APOL3: variants seen among roughly 807,000 people sequenced by gnomAD.
APOL3 encodes apolipoprotein L3.
APOL3 carries 14 observed loss-of-function variants against 11.6 expected under a neutral mutation model. The observed-to-expected ratio is 1.21, with a 90% confidence interval of 0.80 to 1.89. The LOEUF (loss-of-function observed/expected upper bound fraction) is 1.89, where lower values mean the gene tolerates loss of function less well. APOL3 is among the 40% of genes most tolerant of loss of function. The pLI is 0.00. For missense variants in APOL3, 483 were observed against 492.1 expected (o/e 0.98, Z 0.17); for synonymous variants, 192 against 190.6 (o/e 1.01, Z -0.06).
At chr22:36,153,378 G>A (rs1011486703) in intron 1 of APOL3, 1 of 456,162 alleles carries the variant, frequency 2.2e-6, no homozygotes, top group African/African-American at 2.0e-5. Flanking sequence ...CTCCTGATGG[G>A]AGAAATGTCA....
At position 36,160,791 on chromosome 22, in the gene APOL3, T is replaced by G. The variant is rs1237150510; in HGVS notation, c.101A>C (p.Gln34Pro). ...GTTCTCCAGGCTCTGAGATATACCCTGGAACCCAAAAGGGAAAGTGAAAGT... is the reference window on the plus strand; with the variant it reads ...GTTCTCCAGGCTCTGAGATATACCCGGGAACCCAAAAGGGAAAGTGAAAGT... The change falls in exon 1 of 3, where the codon CAG becomes CCG. Residue 34 changes from glutamine (Q) to proline (P), a missense_variant. Transcript: ENST00000349314. 2 of 1,614,090 alleles carry G rather than the reference T, an allele frequency of 1.2e-6. No homozygotes were observed. Among genetic ancestry groups the G allele is most frequent in the Non-Finnish European group, 1.7e-6 (2 of 1,179,950 alleles).
upstream of APOL3, chr22:36,164,896 G>A (rs539285098): frequency 1.4e-4 from 21 of 152,232 alleles, no homozygotes; most frequent in African/African-American, 5.1e-4. Context: ...ACATGAACTA[G>A]CCTTGACTTC....
chr22:36,149,298 T>C (rs778120736), intron 1 of APOL3, 156 bp from the exon 2 acceptor site: 156 of 1,305,796 alleles, frequency 1.2e-4, no homozygotes, highest in Non-Finnish European at 1.4e-4. Context: ...CCCAGCCAGC[T>C]GGTATTTAGA....
chr22:36,155,437 C>T (rs2012608833), intron 1 of APOL3, among the ~76,000 whole-genome samples: 1 of 152,166 alleles, frequency 6.6e-6, no homozygotes, highest in Non-Finnish European at 1.5e-5. Flanking sequence ...CTGCCTCTGT[C>T]TTAGGGATCT....
At chr22:36,155,300 G>A (rs746599702) in intron 1 of APOL3, among the ~76,000 whole-genome samples, 1 of 152,190 alleles carries the variant, frequency 6.6e-6, no homozygotes, top group Non-Finnish European at 1.5e-5. Context: ...TCCAGCCGCT[G>A]GTCTTTGCTC....
chr22:36,154,877 C>T lies in APOL3; in HGVS notation c.223+5792G>A, dbSNP rs144518828. On this transcript the variant is annotated intron_variant, in intron 1 of 2. Coordinates refer to ENST00000349314, the Ensembl canonical transcript of APOL3. ...TCTCTAGATGAGATTTGCTGAGATA[C>T]CCACTGGTAGACTTGCCCCCCACTT... Among the ~76,000 whole-genome samples, 207 of 152,318 alleles carry T rather than the reference C, an allele frequency of 1.4e-3. 3 individuals carry two copies. Among genetic ancestry groups the T allele is most frequent in the Admixed American group, 0.01 (159 of 15,298 alleles).
intron 1 of APOL3, chr22:36,150,061 C>A (rs1487643409): frequency 5.3e-6 from 2 of 374,600 alleles, no homozygotes; most frequent in African/African-American, 4.2e-5. Flanking sequence ...ATCCTCCTGC[C>A]TGAGCCCCCC....
chr22:36,152,311 GT>G lies in APOL3; in HGVS notation c.224-6713del, dbSNP rs1457093737. Among the ~76,000 whole-genome samples, 14 of 152,334 alleles carry G rather than the reference GT, an allele frequency of 9.2e-5. No homozygotes were observed. The East Asian group carries it at 2.5e-3, about 27-fold the overall frequency. On this transcript the variant is annotated intron_variant, in intron 1 of 2. Coordinates refer to ENST00000349314, the Ensembl canonical transcript of APOL3. ...AAACTAAAGCCGTGCAGCAAAACAT[GT>G]GCAACCATATTGTACAACTCAGCTC...
At chr22:36,146,900 C>G (rs546086761) in intron 1 of APOL3, among the ~76,000 whole-genome samples, 1 of 152,228 alleles carries the variant, frequency 6.6e-6, no homozygotes, top group South Asian at 2.1e-4. Flanking sequence ...AGAGAAGGGA[C>G]TGGGAAGCAG....
At chr22:36,160,951 G>T, upstream of APOL3, 2 of 1,524,628 alleles carry the variant, frequency 1.3e-6, no homozygotes. Context: ...AGCCCCAGAC[G>T]TCCTTCTTGG....
At chr22:36,156,735 G>A (rs751606245) in intron 1 of APOL3, 10 of 296,902 alleles carry the variant, frequency 3.4e-5, no homozygotes, top group Non-Finnish European at 4.9e-5. Flanking sequence ...TCTGCTTTCC[G>A]GGGGCAGCTC....
chr22:36,155,898 CG>C, intron 1 of APOL3: 1 of 168,700 alleles, frequency 5.9e-6, no homozygotes. Flanking sequence ...GGTCAATTCC[CG>C]GAAAGGGACT....
intron 2 of APOL3, among the ~76,000 whole-genome samples, chr22:36,142,817 C>T (rs1313124036): frequency 6.6e-6 from 1 of 152,166 alleles, no homozygotes; most frequent in Non-Finnish European, 1.5e-5. Flanking sequence ...AGCCTTTTCT[C>T]CTCTAGGCGC....
chr22:36,141,061 C>A, exon 3 of APOL3: 1 of 1,309,046 alleles, frequency 7.6e-7, no homozygotes, highest in South Asian at 1.4e-5. Flanking sequence ...CTGCTGTGCT[C>A]AGCTACAGAA....
At chr22:36,141,867 T>A (rs918234928) in exon 3 of APOL3, 1 of 1,614,230 alleles carries the variant, frequency 6.2e-7, no homozygotes, top group Non-Finnish European at 8.5e-7. Context: ...GCAGCCTCTG[T>A]GGACCTCTTC....
At chr22:36,145,036 G>GA (rs1031507184) in intron 2 of APOL3, among the ~76,000 whole-genome samples, 1 of 129,270 alleles carries the variant, frequency 7.7e-6, no homozygotes, top group Non-Finnish European at 1.7e-5. Context: ...GAAAAAAAAA[G>GA]AAAAAAAAAG....
chr22:36,156,766 G>A, intron 1 of APOL3: 1 of 336,216 alleles, frequency 3.0e-6, no homozygotes, highest in East Asian at 7.4e-5. Context: ...TGGCTCTTTG[G>A]GCCTCTGTCT....
exon 3 of APOL3, chr22:36,140,360 A>T (rs565302408): frequency 6.6e-6 from 1 of 152,320 alleles, no homozygotes; most frequent in South Asian, 2.1e-4. Flanking sequence ...TAGGACTTAC[A>T]CACAGGGCAC....
At chr22:36,158,266 C>T (rs994085827) in intron 1 of APOL3, among the ~76,000 whole-genome samples, 1 of 151,968 alleles carries the variant, frequency 6.6e-6, no homozygotes, top group African/African-American at 2.4e-5. Flanking sequence ...TGGCACAAGC[C>T]CCTTCACTGT....
Sources: gnomAD v4.1 joint callset for allele counts (sites outside exome capture counted in the v4.1 genomes callset) on GRCh38, gnomAD v4.1.1 for gene constraint, MANE v1.5 for transcripts, NCBI Gene and HGNC (gene_info 2026-07-23, HGNC 2026-07-21) for gene names.